The following MYO1H variants were observed in gnomAD, a reference collection of about 807,000 sequenced individuals.
The protein encoded by MYO1H is unconventional myosin-Ih.
In MYO1H, 118 loss-of-function variants were observed where a neutral mutation model predicts 149.3. The observed-to-expected ratio is 0.79, with a 90% confidence interval of 0.68 to 0.92. The LOEUF is 0.92. Among genes scored for constraint, MYO1H ranks in the 40% least tolerant of loss-of-function variants. The probability of loss-of-function intolerance (pLI) is 0.00; values close to 1 mark genes in which losing one functional copy is unlikely to be tolerated. For missense variants in MYO1H, 1,212 were observed against 1,280.7 expected, an observed-to-expected ratio of 0.95 and a Z score of 0.82; for synonymous variants, 447 against 465.2, an observed-to-expected ratio of 0.96 and a Z score of 0.50.
chr12:109,350,550 G>A (rs1189397411), intron 1 of MYO1H, among the ~76,000 whole-genome samples: 2 of 152,208 alleles, frequency 1.3e-5, no homozygotes. Flanking sequence ...GGAACTGTGA[G>A]TGCATGGAAC....
chr12:109,328,492 G>A, the MYO1H span, among the ~76,000 whole-genome samples: 1 of 152,068 alleles, frequency 6.6e-6, no homozygotes, highest in Non-Finnish European at 1.5e-5. Flanking sequence ...TGTTACACCT[G>A]GCTTTAGTAT....
At chr12:109,325,883 C>A in the MYO1H span, among the ~76,000 whole-genome samples, 2 of 152,190 alleles carry the variant, frequency 1.3e-5, no homozygotes, top group Non-Finnish European at 2.9e-5. Context: ...CATCTCACGC[C>A]AGTCAGAATG....
chr12:109,422,317 T>C (rs1314727723), intron 16 of MYO1H, among the ~76,000 whole-genome samples: 2 of 152,194 alleles, frequency 1.3e-5, no homozygotes, highest in Non-Finnish European at 2.9e-5. Flanking sequence ...ACTGCTTGTC[T>C]CAACCTTTTT....
Position 109,425,935 on chromosome 12 carries a change from T to C in MYO1H, c.1726-11T>C. 1 of 1,594,152 alleles carries C rather than the reference T, an allele frequency of 6.3e-7. No individual in the cohort carries two copies. The highest frequency in any genetic ancestry group is 8.6e-7 in the Non-Finnish European group (1 of 1,162,402). On this transcript the variant is annotated splice_polypyrimidine_tract_variant and intron_variant, in intron 17 of 31. Transcript: ENST00000310903. ...GGCTCGTTCTCTCTCTCTTTCTCTC[T>C]CTCTCTGCAGGTGGGGACTCAGTTT... is the stretch of plus-strand genomic sequence containing the variant.
At chr12:109,336,354 G>A in the MYO1H span, among the ~76,000 whole-genome samples, 1 of 152,084 alleles carries the variant, frequency 6.6e-6, no homozygotes, top group Non-Finnish European at 1.5e-5. Context: ...AATCATGTCT[G>A]TATTCATTTA....
chr12:109,439,941 C>T (rs1872042574), intron 24 of MYO1H, among the ~76,000 whole-genome samples, 151 bp downstream of exon 24: 2 of 152,204 alleles, frequency 1.3e-5, no homozygotes, highest in African/African-American at 4.8e-5. Flanking sequence ...AGAAATTGAA[C>T]TCCTCAGAAT....
chr12:109,390,418 A>C (rs1485566852), intron 2 of MYO1H, among the ~76,000 whole-genome samples: 4 of 152,032 alleles, frequency 2.6e-5, no homozygotes. Context: ...TGAGAATACC[A>C]GATGTATTTT....
rs114837433 is a variant in MYO1H, at chr12:109,439,840, C to T, written c.2454+50C>T. ...GTGTTGTAAGTAGCACGGGCACTGACGAAGCTTAACTCTTGCATGTCTTTG... is the reference window on the plus strand; with the variant it reads ...GTGTTGTAAGTAGCACGGGCACTGATGAAGCTTAACTCTTGCATGTCTTTG... On this transcript the variant is annotated intron_variant, in intron 24 of 31. Transcript: ENST00000310903. The T allele has an allele frequency of 3.7e-4, 567 of 1,524,512 alleles. 5 individuals carry two copies. The African/African-American group carries it at 6.4e-3, about 17-fold the overall frequency. 94.4% of individuals were successfully genotyped at this position (1,524,512 alleles called of 1,614,324 possible).
intron 1 of MYO1H, among the ~76,000 whole-genome samples, chr12:109,359,088 G>A (rs1343362971): frequency 1.3e-5 from 2 of 152,072 alleles, no homozygotes; most frequent in South Asian, 4.1e-4. Flanking sequence ...CTTCCGCTAC[G>A]GGAGGGCAGG....
intron 1 of MYO1H, among the ~76,000 whole-genome samples, chr12:109,366,113 C>T (rs1013404230): frequency 2.9e-4 from 44 of 152,330 alleles, no homozygotes; most frequent in African/African-American, 1.0e-3. Flanking sequence ...TTGTCTTCCA[C>T]GAAACCAGTC....
chr12:109,380,564 T>C (rs1178977722), intron 1 of MYO1H, among the ~76,000 whole-genome samples: 2 of 152,180 alleles, frequency 1.3e-5, no homozygotes. Context: ...TTTGAGACTG[T>C]TGTGTGTATA....
intron 1 of MYO1H, among the ~76,000 whole-genome samples, chr12:109,387,504 G>A (rs965520007): frequency 6.6e-6 from 1 of 152,196 alleles, no homozygotes; most frequent in Non-Finnish European, 1.5e-5. Context: ...CCAACTGCAC[G>A]CTTTAGGCAT....
chr12:109,395,293 A>G (rs1246537870), intron 3 of MYO1H, among the ~76,000 whole-genome samples: 2 of 152,134 alleles, frequency 1.3e-5, no homozygotes, highest in African/African-American at 2.4e-5. Context: ...ATCTTACTCT[A>G]TTTATTGAAT....
chr12:109,371,247 A>C (rs1592782188), intron 1 of MYO1H, among the ~76,000 whole-genome samples: 1 of 122,724 alleles, frequency 8.1e-6, no homozygotes. Context: ...ATAGGGTCTC[A>C]CTCTGCTACC....
chr12:109,313,014 G>A, the MYO1H span, among the ~76,000 whole-genome samples: 1 of 152,146 alleles, frequency 6.6e-6, no homozygotes, highest in South Asian at 2.1e-4. Flanking sequence ...GCCGAGGCGG[G>A]TGGATGCTTG....
chr12:109,326,912 G>A, the MYO1H span, among the ~76,000 whole-genome samples: 1 of 151,942 alleles, frequency 6.6e-6, no homozygotes, highest in Admixed American at 6.6e-5. Flanking sequence ...AATCTATTCT[G>A]CCAAACTTAT....
chr12:109,374,360 A>G (rs1869049260), intron 1 of MYO1H, among the ~76,000 whole-genome samples: 1 of 152,210 alleles, frequency 6.6e-6, no homozygotes, highest in Non-Finnish European at 1.5e-5. Context: ...CGTCTGTAAA[A>G]TGGGAGCTAA....
chr12:109,374,318 A>T (rs1334393820), intron 1 of MYO1H, among the ~76,000 whole-genome samples: 2 of 152,170 alleles, frequency 1.3e-5, no homozygotes, highest in Non-Finnish European at 2.9e-5. Context: ...CTATGTGGCA[A>T]GTTATTTAAC....
At chr12:109,427,909 A>AAATATAT (rs1555254298) in intron 19 of MYO1H, among the ~76,000 whole-genome samples, 2 of 16,416 alleles carry the variant, frequency 1.2e-4, no homozygotes, top group African/African-American at 3.1e-4. Context: ...AAAAAAAAAA[A>AAATATAT]ATATATATAT....
Sources: allele counts gnomAD v4.1 joint callset (sites outside exome capture counted in the v4.1 genomes callset), GRCh38; gene constraint gnomAD v4.1.1; transcripts MANE v1.5; gene names NCBI Gene and HGNC (gene_info 2026-07-23, HGNC 2026-07-21).